PIK3CB: variants seen among roughly 807,000 people sequenced by gnomAD.
PIK3CB encodes phosphatidylinositol 4,5-bisphosphate 3-kinase catalytic subunit beta isoform.
In PIK3CB, 39 loss-of-function variants were observed where a neutral mutation model predicts 136.8. The ratio of observed to expected loss-of-function variants is 0.29; its 90% CI spans 0.22 to 0.37. The LOEUF is 0.37. Among genes scored for constraint, PIK3CB ranks in the 10% least tolerant of loss-of-function variants. PIK3CB has a pLI of 1.00. For missense variants in PIK3CB, 868 were observed against 1,275.4 expected, an observed-to-expected ratio of 0.68 and a Z score of 4.87; for synonymous variants, 428 against 436.6, an observed-to-expected ratio of 0.98 and a Z score of 0.25.
intron 16 of PIK3CB, among the ~76,000 whole-genome samples, chr3:138,686,598 GA>G (rs1233652697): frequency 1.3e-5 from 2 of 151,828 alleles, no homozygotes; most frequent in Non-Finnish European, 2.9e-5. Context: ...ATTAAAACTG[GA>G]AAAAACAAAT....
At chr3:138,805,625 T>C (rs1282195610) in intron 1 of PIK3CB, among the ~76,000 whole-genome samples, 8 of 151,444 alleles carry the variant, frequency 5.3e-5, no homozygotes, top group African/African-American at 1.5e-4. Context: ...TGAGCCAAGA[T>C]TGCGCCACAG....
intron 8 of PIK3CB, among the ~76,000 whole-genome samples, chr3:138,717,283 T>C (rs1353943118): frequency 2.0e-5 from 3 of 151,620 alleles, no homozygotes; most frequent in African/African-American, 7.3e-5. Flanking sequence ...AAGTAGTTTA[T>C]AGTGGATAGC....
At chr3:138,768,314 C>T (rs2045759857) in intron 2 of PIK3CB, among the ~76,000 whole-genome samples, 1 of 151,868 alleles carries the variant, frequency 6.6e-6, no homozygotes, top group Non-Finnish European at 1.5e-5. Flanking sequence ...TGTCTGCAGC[C>T]TGTTGTCCTG....
intron 1 of PIK3CB, among the ~76,000 whole-genome samples, chr3:138,799,938 A>G (rs772520690): frequency 1.3e-5 from 2 of 151,910 alleles, no homozygotes; most frequent in African/African-American, 4.8e-5. Context: ...TTCAGCCTCT[A>G]AAAGTGCTGG....
chr3:138,815,636 G>C (rs1430840625), intron 1 of PIK3CB, among the ~76,000 whole-genome samples: 2 of 152,072 alleles, frequency 1.3e-5, no homozygotes, highest in Middle Eastern at 3.2e-3. Context: ...ATGCTATGCT[G>C]CCATTTGTGA....
intron 1 of PIK3CB, among the ~76,000 whole-genome samples, chr3:138,828,954 ATTTTT>A (rs34176247): frequency 7.6e-6 from 1 of 130,830 alleles, no homozygotes; most frequent in African/African-American, 2.9e-5. Flanking sequence ...CACCAGGCTA[ATTTTT>A]TTTTTTTTTT....
intron 8 of PIK3CB, among the ~76,000 whole-genome samples, chr3:138,724,574 C>T (rs917429086): frequency 2.0e-5 from 3 of 152,190 alleles, no homozygotes; most frequent in Admixed American, 6.5e-5. Flanking sequence ...CCTCTATTCA[C>T]GTGGTTGGTT....
At chr3:138,739,044 A>C (rs1368323032) in intron 5 of PIK3CB, among the ~76,000 whole-genome samples, 1 of 152,146 alleles carries the variant, frequency 6.6e-6, no homozygotes, top group East Asian at 1.9e-4. Context: ...GCGAATTCAT[A>C]TGTAGAAACC....
At chr3:138,740,440 G>A (rs1576375250) in intron 5 of PIK3CB, among the ~76,000 whole-genome samples, 1 of 152,228 alleles carries the variant, frequency 6.6e-6, no homozygotes, top group African/African-American at 2.4e-5. Flanking sequence ...CCCAGTCTAT[G>A]GTATTCTGTT....
intron 5 of PIK3CB, among the ~76,000 whole-genome samples, chr3:138,740,313 A>AC (rs1468880552): frequency 6.6e-6 from 1 of 152,240 alleles, no homozygotes; most frequent in African/African-American, 2.4e-5. Flanking sequence ...AGCCTAGCTC[A>AC]TGCTACTGCA....
At chr3:138,757,214 G>C (rs1360584594) in intron 3 of PIK3CB, among the ~76,000 whole-genome samples, 2 of 151,972 alleles carry the variant, frequency 1.3e-5, no homozygotes, top group African/African-American at 4.8e-5. Context: ...GACCATCCTG[G>C]CCAACATGGT....
At chr3:138,661,474 T>C (rs1232653735) in intron 21 of PIK3CB, among the ~76,000 whole-genome samples, 1 of 152,224 alleles carries the variant, frequency 6.6e-6, no homozygotes, top group African/African-American at 2.4e-5. Flanking sequence ...GGTAATAGGT[T>C]TCACCCACTG....
rs60503033 is a variant in PIK3CB at position 138,744,392 on chromosome 3, C to CAAAAAAAAAAAAAAAA, written c.398-1627_398-1612dup. 9.0e-3 allele frequency among the ~76,000 whole-genome samples: 404 copies of CAAAAAAAAAAAAAAAA among 45,108 alleles called. 187 individuals are homozygous for CAAAAAAAAAAAAAAAA. Among genetic ancestry groups the CAAAAAAAAAAAAAAAA allele is most frequent in the Middle Eastern group, 0.062 (2 of 32 alleles). The allele number at this position is 45,108 out of a possible 152,430, so 29.6% of individuals were successfully genotyped here. ...ACTGGGTGACAGAGCGAGACTCCCC[C>CAAAAAAAAAAAAAAAA]AAAAAAAAAAAAAAAAAAAAAAAAA... On this transcript the variant is annotated intron_variant, in intron 4 of 23. Coordinates refer to ENST00000674063, the MANE Select transcript of PIK3CB (RefSeq NM_006219.3).
chr3:138,733,460 A>G (rs1462620934), intron 7 of PIK3CB, 22 bp from the exon 8 acceptor site: 2 of 1,185,836 alleles, frequency 1.7e-6, no homozygotes, highest in Non-Finnish European at 2.5e-6. Flanking sequence ...TAAAATAAAT[A>G]CAAATTATTT....
intron 12 of PIK3CB, 64 bp downstream of exon 12, chr3:138,704,379 C>T: frequency 9.1e-7 from 1 of 1,100,798 alleles, no homozygotes; most frequent in Non-Finnish European, 1.4e-6. Context: ...TACTATGAGG[C>T]AAAGATACCT....
In PIK3CB at chr3:138,712,167, T is replaced by C. The variant is rs758110564; in HGVS notation, c.1399+41A>G. On this transcript the variant is annotated intron_variant, in intron 10 of 23. Coordinates refer to ENST00000674063, the MANE Select transcript of PIK3CB (RefSeq NM_006219.3). ...ATTACCTAGTCCACATGCCAAAAGT[T>C]AGTTATGCTTTAACACTAAGGATAA... 10 of 956,268 alleles carry C rather than the reference T, an allele frequency of 1.0e-5. No homozygotes were observed. In the South Asian group the frequency reaches 1.3e-4, roughly 13 times the overall value. The allele number at this position is 956,268 out of a possible 1,614,324, so 59.2% of individuals were successfully genotyped here. A position where few individuals can be genotyped will look rare whatever the true frequency, so the allele number is the denominator to read the frequency against.
At chr3:138,822,355 G>A (rs1933594557) in intron 1 of PIK3CB, among the ~76,000 whole-genome samples, 1 of 151,888 alleles carries the variant, frequency 6.6e-6, no homozygotes, top group African/African-American at 2.4e-5. Context: ...AGACCAGCCT[G>A]GCCAATACGG....
chr3:138,779,696 A>ATTTT (rs3071142), intron 2 of PIK3CB, among the ~76,000 whole-genome samples: 7 of 145,140 alleles, frequency 4.8e-5, no homozygotes, highest in Non-Finnish European at 6.0e-5. Context: ...ACCTGGCCAA[A>ATTTT]TTTTTTTTTT....
At chr3:138,714,402 T>C in intron 9 of PIK3CB, 66 bp downstream of exon 9, 1 of 1,094,382 alleles carries the variant, frequency 9.1e-7, no homozygotes, top group East Asian at 2.4e-5. Flanking sequence ...ATTACTCAAT[T>C]ATTTCAAACA....
Sources: allele counts gnomAD v4.1 joint callset (sites outside exome capture counted in the v4.1 genomes callset), GRCh38; gene constraint gnomAD v4.1.1; transcripts MANE v1.5; gene names NCBI Gene and HGNC (gene_info 2026-07-23, HGNC 2026-07-21).